Variants in CRIM1 observed in about 807,000 individuals in gnomAD.
CRIM1 encodes the protein cysteine-rich motor neuron 1 protein.
A neutral mutation model predicts 116.4 loss-of-function variants in CRIM1; 32 were observed. That is an observed-to-expected ratio of 0.27 (90% CI 0.21 to 0.37). The LOEUF (loss-of-function observed/expected upper bound fraction) is 0.37. Ranked by LOEUF, CRIM1 falls within the 10% of genes least tolerant of loss-of-function variation. The pLI is 1.00. For synonymous variants in CRIM1, 590 were observed against 509.2 expected (o/e 1.16, Z -2.13); for missense variants, 1,331 against 1,354.8 (o/e 0.98, Z 0.28).
chr2:36,431,360 CTT>C (rs2124901533), intron 2 of CRIM1, among the ~76,000 whole-genome samples: 1 of 152,160 alleles, frequency 6.6e-6, no homozygotes, highest in Non-Finnish European at 1.5e-5. Flanking sequence ...GAATAAATGT[CTT>C]TATGCCCTGT....
intron 13 of CRIM1, among the ~76,000 whole-genome samples, chr2:36,533,456 T>A (rs1393354544): frequency 6.7e-6 from 1 of 148,442 alleles, no homozygotes; most frequent in African/African-American, 2.5e-5. Flanking sequence ...CTAAAAATTA[T>A]CCAGGCATAA....
At chr2:36,543,105 T>C (rs911579498) in intron 14 of CRIM1, among the ~76,000 whole-genome samples, 3 of 152,172 alleles carry the variant, frequency 2.0e-5, no homozygotes, top group Non-Finnish European at 4.4e-5. Flanking sequence ...ATAATATAAC[T>C]AAGAAAGCAG....
chr2:36,409,153 T>G (rs1673031116), intron 2 of CRIM1, among the ~76,000 whole-genome samples: 1 of 152,230 alleles, frequency 6.6e-6, no homozygotes, highest in South Asian at 2.1e-4. Flanking sequence ...CCTCCAGTTC[T>G]TGTTGAAGGT....
At chr2:36,411,140 C>T (rs1422238394) in intron 2 of CRIM1, among the ~76,000 whole-genome samples, 1 of 152,170 alleles carries the variant, frequency 6.6e-6, no homozygotes, top group African/African-American at 2.4e-5. Flanking sequence ...TGCCCTTTGG[C>T]ATTTTGATTG....
Position 36,548,618 on chromosome 2 carries a change from G to A in CRIM1, c.3028G>A (p.Glu1010Lys). ...TTCCCAGAGAATGCTAAGAATTGCA[G>A]AACCAGATGCAAGATTCAGTGGCTT... ...DSSQRMLRIA[E>K]PDARFSGFYS... The change falls in exon 17 of 17, where the codon GAA (glutamate) becomes AAA (lysine). Residue 1010 changes from glutamate (E) to lysine (K), a missense_variant. Physicochemically the swap from Glu to Lys is moderately conservative, Grantham distance 56. This residue lies in a region of CRIM1 where 283 missense variants were observed against 242.8 expected (regional missense o/e 1.17). Transcript: ENST00000280527. 1.2e-6 allele frequency: 2 copies of A among 1,612,836 alleles called. No homozygotes were observed. The highest frequency in any genetic ancestry group is 2.2e-5 in the East Asian group (1 of 44,820).
At chr2:36,427,392 T>G (rs969478463) in intron 2 of CRIM1, among the ~76,000 whole-genome samples, 1 of 152,082 alleles carries the variant, frequency 6.6e-6, no homozygotes, top group Non-Finnish European at 1.5e-5. Flanking sequence ...GGTAATTAAC[T>G]TCCCCTCATA....
At position 36,472,287 on chromosome 2, in the gene CRIM1, A is replaced by T. The variant is rs557489162; in HGVS notation, c.992-4602A>T. 7.2e-5 allele frequency among the ~76,000 whole-genome samples: 11 copies of T among 152,316 alleles called. No homozygotes were observed. The South Asian group carries it at 2.3e-3, about 32-fold the overall frequency. On this transcript the variant is annotated intron_variant, in intron 5 of 16. Coordinates refer to ENST00000280527, the MANE Select transcript of CRIM1 (RefSeq NM_016441.3). Reference sequence around the variant, plus strand: ...TCACATCTACCCCTGATAGGTGAAGAAGTAATTGGTCATTGCTCCTCAAAA... The same window carrying T: ...TCACATCTACCCCTGATAGGTGAAGTAGTAATTGGTCATTGCTCCTCAAAA...
chr2:36,471,792 C>T (rs1311143888), intron 5 of CRIM1, among the ~76,000 whole-genome samples: 1 of 151,142 alleles, frequency 6.6e-6, no homozygotes, highest in Non-Finnish European at 1.5e-5. Flanking sequence ...AGTTTGCATT[C>T]AAAGCCATCC....
At chr2:36,539,821 G>A (rs1441979333) in intron 14 of CRIM1, among the ~76,000 whole-genome samples, 3 of 152,112 alleles carry the variant, frequency 2.0e-5, no homozygotes, top group South Asian at 2.1e-4. Flanking sequence ...GCATCAAAGT[G>A]GAGCTAATGA....
chr2:36,465,865 C>G (rs893359527), intron 5 of CRIM1, among the ~76,000 whole-genome samples: 32 of 151,664 alleles, frequency 2.1e-4, no homozygotes, highest in Admixed American at 3.3e-4. Context: ...AATTTTGCCT[C>G]AGATGTAAAT....
intron 1 of CRIM1, among the ~76,000 whole-genome samples, chr2:36,362,602 C>G (rs1483716850): frequency 2.6e-5 from 4 of 152,098 alleles, no homozygotes; most frequent in Non-Finnish European, 5.9e-5. Flanking sequence ...CTTCACCCAC[C>G]CTGCTGCTTG....
chr2:36,492,358 T>C (rs1212071310), intron 7 of CRIM1, among the ~76,000 whole-genome samples: 1 of 152,210 alleles, frequency 6.6e-6, no homozygotes, highest in Non-Finnish European at 1.5e-5. Context: ...TAAAAGAATT[T>C]GAAAACTCCA....
At chr2:36,521,207 G>A (rs1353702216) in intron 12 of CRIM1, among the ~76,000 whole-genome samples, 1 of 152,142 alleles carries the variant, frequency 6.6e-6, no homozygotes, top group African/African-American at 2.4e-5. Context: ...TCTGTTGCAA[G>A]TTGTAACTAG....
chr2:36,481,102 C>T (rs1478363298), intron 7 of CRIM1, among the ~76,000 whole-genome samples: 2 of 152,150 alleles, frequency 1.3e-5, no homozygotes, highest in Non-Finnish European at 2.9e-5. Context: ...TAAACATTAG[C>T]CTTTTAACCT....
intron 2 of CRIM1, among the ~76,000 whole-genome samples, chr2:36,426,385 T>C (rs1674451283): frequency 6.6e-6 from 1 of 152,232 alleles, no homozygotes; most frequent in African/African-American, 2.4e-5. Flanking sequence ...AAGTCTCTTA[T>C]TTAAGTCTTT....
intron 4 of CRIM1, among the ~76,000 whole-genome samples, chr2:36,463,469 G>A (rs1263329120): frequency 6.6e-6 from 1 of 152,050 alleles, no homozygotes; most frequent in Non-Finnish European, 1.5e-5. Flanking sequence ...TTCCTGCCAG[G>A]ATGTCTTTTT....
intron 2 of CRIM1, among the ~76,000 whole-genome samples, chr2:36,439,474 A>T (rs1288721118): frequency 2.0e-5 from 3 of 152,224 alleles, no homozygotes; most frequent in African/African-American, 7.2e-5. Flanking sequence ...ACAGTCTTGA[A>T]AATGGCATAA....
At chr2:36,423,634 CTGAT>C (rs1163956363) in intron 2 of CRIM1, among the ~76,000 whole-genome samples, 3 of 152,092 alleles carry the variant, frequency 2.0e-5, no homozygotes, top group Non-Finnish European at 4.4e-5. Context: ...TTGGTGCTAC[CTGAT>C]TATGGTACTA....
At chr2:36,368,231 T>C (rs2148296340) in intron 1 of CRIM1, among the ~76,000 whole-genome samples, 1 of 152,244 alleles carries the variant, frequency 6.6e-6, no homozygotes, top group South Asian at 2.1e-4. Context: ...GTGCCTCACG[T>C]TGGGAGGATG....
Sources: allele counts gnomAD v4.1 joint callset (sites outside exome capture counted in the v4.1 genomes callset), GRCh38; gene constraint gnomAD v4.1.1; regional missense constraint gnomAD v4.1.1; transcripts MANE v1.5; gene names NCBI Gene and HGNC (gene_info 2026-07-23, HGNC 2026-07-21).